Variants in ARL15 observed in about 807,000 individuals in gnomAD.
ARL15 encodes the protein ADP-ribosylation factor-like protein 15.
A neutral mutation model predicts 25.2 loss-of-function variants in ARL15; 19 were observed. The observed-to-expected ratio is 0.75, with a 90% confidence interval of 0.53 to 1.10. The LOEUF (loss-of-function observed/expected upper bound fraction) is 1.10, where lower values mean the gene tolerates loss of function less well. Among genes scored for constraint, ARL15 ranks in the 50% least tolerant of loss-of-function variants. The probability of loss-of-function intolerance (pLI) is 0.00; values close to 1 mark genes in which losing one functional copy is unlikely to be tolerated. For synonymous variants in ARL15, 94 were observed against 86.8 expected (o/e 1.08, Z -0.46); for missense variants, 220 against 246.0 (o/e 0.89, Z 0.71).
chr5:53,980,686 A>G (rs1748090634), intron 4 of ARL15, among the ~76,000 whole-genome samples: 1 of 152,242 alleles, frequency 6.6e-6, no homozygotes, highest in Admixed American at 6.5e-5. Context: ...CAGATTTAAG[A>G]GGAAAGCAGT....
At chr5:53,938,785 A>C (rs1461505915) in intron 4 of ARL15, among the ~76,000 whole-genome samples, 1 of 152,230 alleles carries the variant, frequency 6.6e-6, no homozygotes, top group Non-Finnish European at 1.5e-5. Context: ...TAGAGGTTGC[A>C]GTGAGCCGAG....
At chr5:54,049,607 T>C (rs369912353) in intron 4 of ARL15, among the ~76,000 whole-genome samples, 3 of 151,974 alleles carry the variant, frequency 2.0e-5, no homozygotes, top group South Asian at 4.2e-4. Flanking sequence ...TTTGTTGTTG[T>C]TGTTGTTGTT....
At chr5:54,107,578 G>C (rs1482902097) in intron 4 of ARL15, among the ~76,000 whole-genome samples, 1 of 152,070 alleles carries the variant, frequency 6.6e-6, no homozygotes. Flanking sequence ...AGGAAACTCT[G>C]AGAAGCACTT....
chr5:54,071,113 T>C (rs1751404029), intron 4 of ARL15, among the ~76,000 whole-genome samples: 1 of 151,206 alleles, frequency 6.6e-6, no homozygotes, highest in Non-Finnish European at 1.5e-5. Flanking sequence ...AGGGCTGCAG[T>C]GAGCCATGTT....
At chr5:54,173,153 A>G (rs1754768765) in intron 1 of ARL15, among the ~76,000 whole-genome samples, 1 of 151,692 alleles carries the variant, frequency 6.6e-6, no homozygotes, top group Non-Finnish European at 1.5e-5. Flanking sequence ...ATTGCACTCC[A>G]GCCTGGGCAA....
intron 3 of ARL15, among the ~76,000 whole-genome samples, chr5:54,135,662 C>T (rs1753580675): frequency 6.6e-6 from 1 of 152,156 alleles, no homozygotes; most frequent in South Asian, 2.1e-4. Flanking sequence ...TATATACATA[C>T]TTTCTGAGAC....
At chr5:54,051,919 C>T (rs1750712049) in intron 4 of ARL15, among the ~76,000 whole-genome samples, 1 of 152,116 alleles carries the variant, frequency 6.6e-6, no homozygotes, top group Non-Finnish European at 1.5e-5. Context: ...ATCGACTACA[C>T]AAACTGCAGT....
intron 1 of ARL15, among the ~76,000 whole-genome samples, chr5:54,201,647 G>A (rs1327512554): frequency 6.6e-6 from 1 of 151,906 alleles, no homozygotes; most frequent in African/African-American, 2.4e-5. Flanking sequence ...TCCCCACCCT[G>A]CTCTTTGGCT....
At chr5:54,058,016 ATTT>A (rs869259794) in intron 4 of ARL15, among the ~76,000 whole-genome samples, 4 of 62,514 alleles carry the variant, frequency 6.4e-5, no homozygotes, top group African/African-American at 2.0e-4. Flanking sequence ...TTATTTATTT[ATTT>A]TTTTTGACAA....
chr5:54,045,798 C>T (rs2111965678), intron 4 of ARL15, among the ~76,000 whole-genome samples: 1 of 152,280 alleles, frequency 6.6e-6, no homozygotes. Context: ...ATTCCAGTCA[C>T]CATTTCTCTG....
intron 4 of ARL15, among the ~76,000 whole-genome samples, chr5:53,956,699 T>C (rs1315006051): frequency 2.0e-5 from 3 of 151,532 alleles, no homozygotes; most frequent in Admixed American, 6.6e-5. Context: ...AGGAACCAAA[T>C]AGAAAATCTG....
intron 4 of ARL15, among the ~76,000 whole-genome samples, chr5:53,935,026 A>G (rs1038465128): frequency 6.6e-6 from 1 of 152,240 alleles, no homozygotes; most frequent in Non-Finnish European, 1.5e-5. Context: ...AATGTCCTTA[A>G]TAAAGACAGA....
chr5:54,058,010 TTATTTA>T (rs1750935758), intron 4 of ARL15, among the ~76,000 whole-genome samples: 1 of 119,182 alleles, frequency 8.4e-6, no homozygotes, highest in Non-Finnish European at 1.7e-5. Context: ...ATTTATTTAT[TTATTTA>T]TTTTTTTTGA....
At chr5:53,963,834 CACACACACACACACAT>C (rs1223639354) in intron 4 of ARL15, among the ~76,000 whole-genome samples, 20 of 151,722 alleles carry the variant, frequency 1.3e-4, no homozygotes, top group African/African-American at 4.1e-4. Context: ...CACACACACA[CACACACACACACACAT>C]ACACAGAGTA....
chr5:54,306,822 C>T (rs745474576), intron 1 of ARL15, among the ~76,000 whole-genome samples: 1 of 152,014 alleles, frequency 6.6e-6, no homozygotes, highest in Non-Finnish European at 1.5e-5. Flanking sequence ...GTTTTGATGG[C>T]GCAGAGGGAA....
At chr5:53,970,233 A>C (rs929589651) in intron 4 of ARL15, among the ~76,000 whole-genome samples, 1 of 152,186 alleles carries the variant, frequency 6.6e-6, no homozygotes, top group Non-Finnish European at 1.5e-5. Context: ...TAATTTGATG[A>C]GTTTGGTGCA....
At chr5:54,030,517 G>C (rs560351733) in intron 4 of ARL15, among the ~76,000 whole-genome samples, 1 of 152,306 alleles carries the variant, frequency 6.6e-6, no homozygotes, top group South Asian at 2.1e-4. Context: ...TGACTGAGGA[G>C]TGTGAGAAAG....
At chr5:54,197,760 A>C (rs1467502795) in intron 1 of ARL15, among the ~76,000 whole-genome samples, 3 of 152,146 alleles carry the variant, frequency 2.0e-5, no homozygotes, top group Non-Finnish European at 4.4e-5. Context: ...TATTCCAATC[A>C]ATAGAAAAAG....
intron 1 of ARL15, among the ~76,000 whole-genome samples, chr5:54,268,117 G>C (rs1483728601): frequency 6.6e-6 from 1 of 152,006 alleles, no homozygotes; most frequent in Non-Finnish European, 1.5e-5. Flanking sequence ...ATCAGACGTA[G>C]ATTTGGTCTT....
Sources: allele counts gnomAD v4.1 joint callset (sites outside exome capture counted in the v4.1 genomes callset), GRCh38; gene constraint gnomAD v4.1.1; transcripts MANE v1.5; gene names NCBI Gene and HGNC (gene_info 2026-07-23, HGNC 2026-07-21).